CFAP299: variants seen among roughly 807,000 people sequenced by gnomAD.
CFAP299 encodes the protein cilia and flagella associated protein 299.
A neutral mutation model predicts 27.0 loss-of-function variants in CFAP299; 21 were observed. The observed-to-expected ratio is 0.78, with a 90% CI of 0.55 to 1.12. The LOEUF (loss-of-function observed/expected upper bound fraction) is 1.12, where lower values mean the gene tolerates loss of function less well. Ranked by LOEUF, CFAP299 falls within the 50% of genes most tolerant of loss-of-function variation. CFAP299 has a pLI of 0.00. For missense variants in CFAP299, 310 were observed against 276.6 expected, an observed-to-expected ratio of 1.12 and a Z score of -0.86; for synonymous variants, 104 against 98.1, an observed-to-expected ratio of 1.06 and a Z score of -0.36.
intron 2 of CFAP299, among the ~76,000 whole-genome samples, chr4:80,372,324 G>T (rs1320658327): frequency 6.6e-6 from 1 of 152,194 alleles, no homozygotes; most frequent in Non-Finnish European, 1.5e-5. Flanking sequence ...CAACACTGGG[G>T]ATTACAGTTT....
chr4:80,734,590 T>C (rs1298490616), intron 3 of CFAP299, among the ~76,000 whole-genome samples: 1 of 152,178 alleles, frequency 6.6e-6, no homozygotes, highest in African/African-American at 2.4e-5. Context: ...AGTAGTTTCA[T>C]AGTTTGAGGT....
At chr4:80,959,937 A>G (rs905582555) in intron 5 of CFAP299, among the ~76,000 whole-genome samples, 1 of 151,944 alleles carries the variant, frequency 6.6e-6, no homozygotes, top group Non-Finnish European at 1.5e-5. Flanking sequence ...TTAAAAAATA[A>G]ACATATACAT....
At chr4:80,799,739 TTTTTATA>T (rs1728220185) in intron 3 of CFAP299, among the ~76,000 whole-genome samples, 1 of 33,958 alleles carries the variant, frequency 2.9e-5, no homozygotes, top group Non-Finnish European at 5.5e-5. Flanking sequence ...AATATATATA[TTTTTATA>T]AATATATAAT....
chr4:80,481,448 C>T (rs1730565063), intron 2 of CFAP299, among the ~76,000 whole-genome samples: 1 of 152,052 alleles, frequency 6.6e-6, no homozygotes, highest in South Asian at 2.1e-4. Flanking sequence ...TAGCCAAAGG[C>T]ATATTTTTAA....
intron 4 of CFAP299, among the ~76,000 whole-genome samples, chr4:80,914,341 T>A (rs1053290330): frequency 1.3e-5 from 2 of 152,182 alleles, no homozygotes; most frequent in African/African-American, 4.8e-5. Context: ...TTTGGTATTA[T>A]AGGTCACTTT....
intron 3 of CFAP299, among the ~76,000 whole-genome samples, chr4:80,711,575 A>G (rs1722175660): frequency 6.6e-6 from 1 of 152,056 alleles, no homozygotes. Flanking sequence ...TATTTTACGG[A>G]TGAGGAAACT....
At chr4:80,844,921 TA>T (rs1731086832) in intron 3 of CFAP299, among the ~76,000 whole-genome samples, 1 of 152,178 alleles carries the variant, frequency 6.6e-6, no homozygotes, top group Non-Finnish European at 1.5e-5. Context: ...CATCTTGAAT[TA>T]ATTTTTGTAT....
At chr4:80,825,776 T>A (rs903495225) in intron 3 of CFAP299, among the ~76,000 whole-genome samples, 48 of 151,826 alleles carry the variant, frequency 3.2e-4, no homozygotes, top group Non-Finnish European at 1.0e-4. Flanking sequence ...GAAAGGACAA[T>A]AGATAGTAAC....
chr4:80,603,082 C>T (rs1737447505), intron 3 of CFAP299, among the ~76,000 whole-genome samples: 1 of 152,092 alleles, frequency 6.6e-6, no homozygotes, highest in Non-Finnish European at 1.5e-5. Flanking sequence ...CTAAGCATGA[C>T]ACCAAACCCC....
chr4:80,328,868 C>G, the CFAP299 span, among the ~76,000 whole-genome samples: 1 of 151,996 alleles, frequency 6.6e-6, no homozygotes, highest in Non-Finnish European at 1.5e-5. Context: ...CATTGTTTTC[C>G]AGAATAAAAA....
At chr4:80,777,701 G>A (rs896309300) in intron 3 of CFAP299, among the ~76,000 whole-genome samples, 1 of 152,022 alleles carries the variant, frequency 6.6e-6, no homozygotes, top group Admixed American at 6.6e-5. Context: ...ACTCAAAGAA[G>A]ACATTTATAA....
chr4:80,396,274 A>G (rs775274644), intron 2 of CFAP299, among the ~76,000 whole-genome samples: 1 of 152,162 alleles, frequency 6.6e-6, no homozygotes, highest in East Asian at 1.9e-4. Context: ...CCAGCACTCA[A>G]TAAATAATAG....
intron 2 of CFAP299, among the ~76,000 whole-genome samples, chr4:80,467,208 G>A (rs181122777): frequency 2.6e-5 from 4 of 152,234 alleles, no homozygotes; most frequent in African/African-American, 9.6e-5. Context: ...ATTGGTCAAG[G>A]TGAAAGTATT....
At chr4:80,924,538 G>GTGCA (rs5859742) in intron 4 of CFAP299, among the ~76,000 whole-genome samples, 2 of 131,670 alleles carry the variant, frequency 1.5e-5, no homozygotes. Flanking sequence ...GTGTGTGTGT[G>GTGCA]TATATATATA....
At chr4:80,559,847 C>T (rs1353864588) in intron 2 of CFAP299, among the ~76,000 whole-genome samples, 1 of 152,200 alleles carries the variant, frequency 6.6e-6, no homozygotes, top group Non-Finnish European at 1.5e-5. Flanking sequence ...CCCCTCACTA[C>T]TGAGGGCTAC....
chr4:80,799,960 TATA>T (rs1398671916), intron 3 of CFAP299, among the ~76,000 whole-genome samples: 3 of 56,654 alleles, frequency 5.3e-5, no homozygotes, highest in African/African-American at 1.5e-4. Flanking sequence ...ATTATATAAA[TATA>T]ATATTTATAT....
intron 2 of CFAP299, among the ~76,000 whole-genome samples, chr4:80,393,748 T>C (rs770915709): frequency 5.3e-5 from 8 of 152,162 alleles, no homozygotes; most frequent in Non-Finnish European, 8.8e-5. Context: ...CAAAATCACC[T>C]AGTGACACAT....
At chr4:80,948,305 A>T (rs1004227246) in intron 5 of CFAP299, among the ~76,000 whole-genome samples, 2 of 152,158 alleles carry the variant, frequency 1.3e-5, no homozygotes, top group Non-Finnish European at 2.9e-5. Context: ...TTGGTTAGGA[A>T]ATTCCAAATG....
chr4:80,907,016 A>AC (rs1194544101), intron 4 of CFAP299, among the ~76,000 whole-genome samples: 1 of 152,066 alleles, frequency 6.6e-6, no homozygotes, highest in Non-Finnish European at 1.5e-5. Flanking sequence ...CAGGCTACAA[A>AC]TTTTTCCAAC....
Sources: allele counts gnomAD v4.1 joint callset (sites outside exome capture counted in the v4.1 genomes callset), GRCh38; gene constraint gnomAD v4.1.1; transcripts MANE v1.5; gene names NCBI Gene and HGNC (gene_info 2026-07-23, HGNC 2026-07-21).